Variants in WDR70 observed in about 807,000 individuals in gnomAD.
The protein encoded by WDR70 is WD repeat domain 70.
Under a neutral mutation model 88.6 loss-of-function variants are expected in WDR70, and 53 were observed. That is an observed-to-expected ratio of 0.60 (90% CI 0.48 to 0.75). The LOEUF (loss-of-function observed/expected upper bound fraction) is 0.75, where lower values mean the gene tolerates loss of function less well. Ranked by LOEUF, WDR70 falls within the 30% of genes least tolerant of loss-of-function variation. The pLI is 0.00. For synonymous variants in WDR70, 280 were observed against 270.0 expected, an observed-to-expected ratio of 1.04 and a Z score of -0.36; for missense variants, 610 against 823.2, an observed-to-expected ratio of 0.74 and a Z score of 3.17.
chr5:37,400,522 G>A (rs1008738110), intron 5 of WDR70, among the ~76,000 whole-genome samples: 5 of 152,012 alleles, frequency 3.3e-5, no homozygotes, highest in Admixed American at 2.6e-4. Context: ...ACCAGAAAGC[G>A]TGCACTAACT....
At position 37,579,090 on chromosome 5, in the gene WDR70, C is replaced by T. The variant is rs187650911; in HGVS notation, c.918-25974C>T. On this transcript the variant is annotated intron_variant, in intron 9 of 17. Transcript: ENST00000265107. ...AAGCGAATGAATCAAGGCATGTAAC[C>T]AGACTAATCGCTTCAGAAGGTTGTG... Among the ~76,000 whole-genome samples, 245 of 152,274 alleles carry T rather than the reference C, an allele frequency of 1.6e-3. 2 individuals carry two copies. The highest frequency in any genetic ancestry group is 5.5e-3 in the African/African-American group (229 of 41,558).
At chr5:37,569,936 A>G (rs1279942408) in intron 9 of WDR70, among the ~76,000 whole-genome samples, 1 of 152,192 alleles carries the variant, frequency 6.6e-6, no homozygotes, top group East Asian at 1.9e-4. Flanking sequence ...TAACTGTGTA[A>G]TTATGGCTGG....
chr5:37,752,591 C>T lies in WDR70; in HGVS notation c.*18C>T. 1 of 1,586,364 alleles carries T rather than the reference C, an allele frequency of 6.3e-7. No homozygotes were observed. Among genetic ancestry groups the T allele is most frequent in the Non-Finnish European group, 8.6e-7 (1 of 1,158,898 alleles). On this transcript the variant is annotated 3_prime_UTR_variant, in exon 18 of 18. Transcript: ENST00000265107. ...AAATTTGAAGAATCTCATTTGAGAG[C>T]TGTTTGCATGAGTGGGAGGGGTATG...
chr5:37,577,670 G>A (rs1182283896), intron 9 of WDR70, among the ~76,000 whole-genome samples: 3 of 152,126 alleles, frequency 2.0e-5, no homozygotes, highest in Non-Finnish European at 4.4e-5. Flanking sequence ...AGAAGAAGGA[G>A]TCAAGGATGA....
At chr5:37,514,853 G>A (rs928681648) in intron 8 of WDR70, among the ~76,000 whole-genome samples, 4 of 151,398 alleles carry the variant, frequency 2.6e-5, no homozygotes, top group African/African-American at 4.9e-5. Context: ...CCGTCTCTAC[G>A]AAAAATACAA....
At chr5:37,431,142 C>T (rs1361510571) in intron 5 of WDR70, among the ~76,000 whole-genome samples, 2 of 152,196 alleles carry the variant, frequency 1.3e-5, no homozygotes, top group Admixed American at 6.5e-5. Context: ...GCATGAGCCC[C>T]TGTGCCTGGC....
intron 9 of WDR70, among the ~76,000 whole-genome samples, chr5:37,575,158 A>G (rs1233857461): frequency 6.6e-6 from 1 of 152,222 alleles, no homozygotes; most frequent in Admixed American, 6.5e-5. Context: ...TAAAGATTGA[A>G]TGAATCACTT....
At chr5:37,615,622 G>A (rs1255313248) in intron 10 of WDR70, among the ~76,000 whole-genome samples, 2 of 152,090 alleles carry the variant, frequency 1.3e-5, no homozygotes, top group Non-Finnish European at 2.9e-5. Flanking sequence ...TCTTAACTCT[G>A]TCCTAAGCAT....
intron 7 of WDR70, among the ~76,000 whole-genome samples, chr5:37,469,348 C>T (rs1458826089): frequency 6.6e-6 from 1 of 152,296 alleles, no homozygotes; most frequent in Non-Finnish European, 1.5e-5. Context: ...GGTCTTGCTT[C>T]TCTTAACTGT....
chr5:37,645,553 C>G (rs1363422905), intron 10 of WDR70, among the ~76,000 whole-genome samples: 1 of 152,062 alleles, frequency 6.6e-6, no homozygotes. Context: ...GAAGATCTGA[C>G]CAGTGCTGAA....
chr5:37,487,623 ATGTATT>A (rs1424144416), intron 8 of WDR70, among the ~76,000 whole-genome samples: 27 of 18,604 alleles, frequency 1.5e-3, no homozygotes, highest in East Asian at 6.3e-3. Flanking sequence ...ATATATATAT[ATGTATT>A]TTTTTTTTTT....
At chr5:37,385,516 C>A (rs71619856) in intron 3 of WDR70, among the ~76,000 whole-genome samples, 1 of 54,776 alleles carries the variant, frequency 1.8e-5, no homozygotes, top group East Asian at 4.6e-4. Flanking sequence ...GAGAGCCTGT[C>A]TCAAAAAAAA....
At chr5:37,428,432 C>T (rs1185526850) in intron 5 of WDR70, among the ~76,000 whole-genome samples, 3 of 152,150 alleles carry the variant, frequency 2.0e-5, no homozygotes, top group African/African-American at 7.2e-5. Flanking sequence ...TCCATTTTTC[C>T]CTCCATTTAC....
chr5:37,635,101 G>A (rs1423588376), intron 10 of WDR70, among the ~76,000 whole-genome samples: 1 of 152,014 alleles, frequency 6.6e-6, no homozygotes, highest in Non-Finnish European at 1.5e-5. Context: ...TTCATGCCTT[G>A]ACCCTGTGCC....
At chr5:37,658,999 A>G (rs551966918) in intron 10 of WDR70, among the ~76,000 whole-genome samples, 4 of 152,214 alleles carry the variant, frequency 2.6e-5, no homozygotes, top group African/African-American at 9.7e-5. Flanking sequence ...CCTGATCTCC[A>G]TACTAGAAGG....
intron 9 of WDR70, among the ~76,000 whole-genome samples, chr5:37,522,510 A>G (rs1455435466): frequency 3.3e-5 from 5 of 150,446 alleles, no homozygotes; most frequent in Non-Finnish European, 7.4e-5. Context: ...CAGTTCCAAG[A>G]TGGCCCAATA....
At chr5:37,389,755 C>A (rs1380239304) in intron 3 of WDR70, among the ~76,000 whole-genome samples, 2 of 151,980 alleles carry the variant, frequency 1.3e-5, no homozygotes, top group Non-Finnish European at 2.9e-5. Flanking sequence ...TAAATTTTTT[C>A]CAGTTTCTAG....
intron 8 of WDR70, among the ~76,000 whole-genome samples, chr5:37,488,654 T>A (rs527612345): frequency 1.3e-5 from 2 of 152,292 alleles, no homozygotes; most frequent in South Asian, 4.1e-4. Flanking sequence ...GTTTTTGTAA[T>A]TTATTTATCT....
chr5:37,538,652 G>A lies in WDR70; in HGVS notation c.917+22062G>A, dbSNP rs79182181. Among the ~76,000 whole-genome samples the A allele has an allele frequency of 1.9e-3, 290 of 152,242 alleles. 1 individual carries two copies. The highest frequency in any genetic ancestry group is 6.7e-3 in the African/African-American group (278 of 41,544). Reference sequence around the variant, plus strand: ...GTGCCTTAACTTTTTAATTCCAGGAGTTTCAGTATAAAACATAAACCTGAG... The same window carrying A: ...GTGCCTTAACTTTTTAATTCCAGGAATTTCAGTATAAAACATAAACCTGAG... On this transcript the variant is annotated intron_variant, in intron 9 of 17. Transcript: ENST00000265107.
Sources: gnomAD v4.1 joint callset for allele counts (sites outside exome capture counted in the v4.1 genomes callset) on GRCh38, gnomAD v4.1.1 for gene constraint, MANE v1.5 for transcripts, NCBI Gene and HGNC (gene_info 2026-07-23, HGNC 2026-07-21) for gene names.